The following TAFA4 variants were observed in gnomAD, a reference collection of about 807,000 sequenced individuals.
TAFA4 encodes chemokine-like protein TAFA-4.
A neutral mutation model predicts 21.1 loss-of-function variants in TAFA4; 20 were observed. The ratio of observed to expected loss-of-function variants is 0.95; its 90% CI spans 0.67 to 1.38. TAFA4 has a LOEUF of 1.38. TAFA4 is among the 40% of genes most tolerant of loss of function. The pLI, the probability that TAFA4 is intolerant of heterozygous loss-of-function variation, is 0.00. For missense variants in TAFA4, 211 were observed against 180.9 expected, an observed-to-expected ratio of 1.17 and a Z score of -0.95; for synonymous variants, 71 against 67.4, an observed-to-expected ratio of 1.05 and a Z score of -0.26.
At position 68,762,700 on chromosome 3, in the gene TAFA4, T is replaced by C. The variant is rs150542720; in HGVS notation, c.131-9682A>G. Among the ~76,000 whole-genome samples, 310 of 152,334 alleles carry C rather than the reference T, an allele frequency of 2.0e-3. 1 individual carries two copies. The Middle Eastern group carries it at 0.031, about 15-fold the overall frequency. On this transcript the variant is annotated intron_variant, in intron 3 of 5. Transcript: ENST00000295569. ...CTCAGTGACTGTCTAAAATATCCTA[T>C]GATGCAAATATTACAAAAGATGAAG...
intron 3 of TAFA4, among the ~76,000 whole-genome samples, chr3:68,851,377 A>G (rs548944366): frequency 6.6e-6 from 1 of 152,180 alleles, no homozygotes; most frequent in Non-Finnish European, 1.5e-5. Flanking sequence ...TAGGAAAAAT[A>G]GCTAATGCAT....
At chr3:68,868,981 CT>C (rs2106933929) in intron 3 of TAFA4, among the ~76,000 whole-genome samples, 1 of 151,134 alleles carries the variant, frequency 6.6e-6, no homozygotes, top group South Asian at 2.1e-4. Flanking sequence ...TTTAGCTAGA[CT>C]AAGAATAAAA....
intron 1 of TAFA4, among the ~76,000 whole-genome samples, chr3:68,926,301 A>C (rs1049875673): frequency 3.3e-5 from 5 of 152,032 alleles, no homozygotes; most frequent in African/African-American, 9.7e-5. Context: ...GGTTTACCAA[A>C]GTTTAAAAAG....
chr3:68,881,632 G>A (rs188975688), intron 2 of TAFA4, among the ~76,000 whole-genome samples: 4 of 152,156 alleles, frequency 2.6e-5, no homozygotes, highest in East Asian at 3.9e-4. Context: ...AAAACTCACC[G>A]CATTTGGCAT....
At chr3:68,889,464 T>C (rs867320650) in intron 1 of TAFA4, among the ~76,000 whole-genome samples, 29 of 152,242 alleles carry the variant, frequency 1.9e-4, no homozygotes, top group African/African-American at 6.8e-4. Context: ...GCCTTCATTA[T>C]TGGTGAGGTG....
chr3:68,798,625 T>C (rs114231562), intron 3 of TAFA4, among the ~76,000 whole-genome samples: 6,689 of 152,318 alleles, frequency 0.044, 203 homozygotes, highest in Non-Finnish European at 0.067. Context: ...ATTTGTTGTT[T>C]AGATTCATAT....
intron 1 of TAFA4, among the ~76,000 whole-genome samples, chr3:68,890,819 A>G (rs546988833): frequency 1.3e-5 from 2 of 152,344 alleles, no homozygotes; most frequent in African/African-American, 4.8e-5. Flanking sequence ...CATCAATCTG[A>G]CATTAAAAAT....
chr3:68,855,273 G>C (rs1372261587), intron 3 of TAFA4, among the ~76,000 whole-genome samples: 1 of 152,096 alleles, frequency 6.6e-6, no homozygotes, highest in African/African-American at 2.4e-5. Context: ...CAAAGTTTTG[G>C]TATATAGTAA....
At position 68,821,563 on chromosome 3, in the gene TAFA4, G is replaced by A; in HGVS notation, c.130+59167C>T. Among the ~76,000 whole-genome samples, 2 of 16,154 alleles carry A rather than the reference G, an allele frequency of 1.2e-4. 1 individual carries two copies. Among genetic ancestry groups the A allele is most frequent in the Non-Finnish European group, 2.3e-4 (2 of 8,842 alleles). The allele number at this position is 16,154 out of a possible 152,430, so 10.6% of individuals were successfully genotyped here. A position where few individuals can be genotyped will look rare whatever the true frequency, so the allele number is the denominator to read the frequency against. ...GGGGTTTCACCGTGTTAGCCAGGAT[G>A]GTCTCGATCTCCTGACCTCGTGATC... On this transcript the variant is annotated intron_variant, in intron 3 of 5. Coordinates refer to ENST00000295569, the MANE Select transcript of TAFA4 (RefSeq NM_182522.5).
intron 3 of TAFA4, among the ~76,000 whole-genome samples, chr3:68,753,812 T>C (rs1702608754): frequency 6.6e-6 from 1 of 152,160 alleles, no homozygotes; most frequent in African/African-American, 2.4e-5. Context: ...CCTCAAGAAC[T>C]GCCAATAACC....
intron 4 of TAFA4, among the ~76,000 whole-genome samples, chr3:68,745,931 T>C (rs1702448664): frequency 1.3e-5 from 2 of 152,170 alleles, no homozygotes; most frequent in Non-Finnish European, 2.9e-5. Flanking sequence ...TGTGAGGGTG[T>C]TGCCAAAGGA....
intron 3 of TAFA4, among the ~76,000 whole-genome samples, chr3:68,818,703 G>A (rs1029943480): frequency 3.3e-5 from 5 of 152,076 alleles, no homozygotes; most frequent in Non-Finnish European, 5.9e-5. Flanking sequence ...GCTGGTCAGT[G>A]GAGTAATCAG....
At chr3:68,832,498 G>C (rs900035990) in intron 3 of TAFA4, among the ~76,000 whole-genome samples, 1 of 152,136 alleles carries the variant, frequency 6.6e-6, no homozygotes, top group Non-Finnish European at 1.5e-5. Context: ...GTTTGCCTGG[G>C]TATCACCAGC....
rs558720213 is a variant in TAFA4, at chr3:68,882,427, G to A, written c.15-1582C>T. On this transcript the variant is annotated intron_variant, in intron 2 of 5. Coordinates refer to ENST00000295569, the MANE Select transcript of TAFA4 (RefSeq NM_182522.5). ...TTGAAAAATTATTCCTGGCATCCCC[G>A]GGCTCACATTTCCACATGGGAGTAA... 5.9e-5 allele frequency among the ~76,000 whole-genome samples: 9 copies of A among 152,186 alleles called. No individual in the cohort carries two copies. In the East Asian group the frequency reaches 9.7e-4, roughly 16 times the overall value.
At chr3:68,736,930 A>G (rs543572864) in intron 5 of TAFA4, among the ~76,000 whole-genome samples, 15 of 152,258 alleles carry the variant, frequency 9.9e-5, no homozygotes, top group African/African-American at 3.6e-4. Context: ...TCTTTCTACA[A>G]CTTTTCGAAG....
intron 1 of TAFA4, among the ~76,000 whole-genome samples, chr3:68,920,997 T>C (rs1185887029): frequency 1.3e-5 from 2 of 152,088 alleles, no homozygotes; most frequent in East Asian, 3.9e-4. Context: ...TGGGGTTGAG[T>C]GCTGGGGGGA....
At position 68,859,437 on chromosome 3, in the gene TAFA4, A is replaced by T. The variant is rs188982102; in HGVS notation, c.130+21293T>A. On this transcript the variant is annotated intron_variant, in intron 3 of 5. Coordinates refer to ENST00000295569, the MANE Select transcript of TAFA4 (RefSeq NM_182522.5). ...TGGTCAGGTAGAAAATGACCTTGCT[A>T]GTTCTGTTTATTGTTTAACAGAACT... 4.6e-3 allele frequency among the ~76,000 whole-genome samples: 703 copies of T among 152,238 alleles called. 10 individuals are homozygous for T. The highest frequency in any genetic ancestry group is 6.3e-3 in the Non-Finnish European group (429 of 67,994).
chr3:68,817,851 T>G (rs1012981602), intron 3 of TAFA4, among the ~76,000 whole-genome samples: 6 of 152,226 alleles, frequency 3.9e-5, no homozygotes, highest in Admixed American at 3.9e-4. Flanking sequence ...CTGGCTCTAC[T>G]CATAGGCAGA....
rs1321912528 is a variant in TAFA4, at chr3:68,788,309, C to T, written c.131-35291G>A. On this transcript the variant is annotated intron_variant, in intron 3 of 5. Transcript: ENST00000295569. Reference sequence around the variant, plus strand: ...TCACCTCTGCCTCAGGACAGCTGCCCTCACTGTCCCCTCACTTGGAACATT... The same window carrying T: ...TCACCTCTGCCTCAGGACAGCTGCCTTCACTGTCCCCTCACTTGGAACATT... 3.9e-5 allele frequency among the ~76,000 whole-genome samples: 6 copies of T among 152,176 alleles called. No individual in the cohort carries two copies. In the East Asian group the frequency reaches 1.2e-3, roughly 29 times the overall value.
Sources: gnomAD v4.1 joint callset for allele counts (sites outside exome capture counted in the v4.1 genomes callset) on GRCh38, gnomAD v4.1.1 for gene constraint, MANE v1.5 for transcripts, NCBI Gene and HGNC (gene_info 2026-07-23, HGNC 2026-07-21) for gene names.